Variants in FAM83A observed in about 807,000 individuals in gnomAD.
FAM83A encodes scaffolding CK1 anchoring protein A, also known as protein FAM83A.
FAM83A carries 21 observed loss-of-function variants against 24.4 expected under a neutral mutation model. The observed-to-expected ratio is 0.86, with a 90% confidence interval of 0.61 to 1.24. The LOEUF (loss-of-function observed/expected upper bound fraction) is 1.24. Ranked by LOEUF, FAM83A falls within the 50% of genes most tolerant of loss-of-function variation. The pLI is 0.00. For synonymous variants in FAM83A, 270 were observed against 252.4 expected (o/e 1.07, Z -0.66); for missense variants, 617 against 579.8 (o/e 1.06, Z -0.66).
exon 4 of FAM83A, chr8:123,207,358 C>A (rs1298956026): frequency 6.2e-7 from 1 of 1,611,414 alleles, no homozygotes. Context: ...GCAGTGGCTC[C>A]GCCAGTGACC....
chr8:123,196,978 C>T (rs1180212375), intron 3 of FAM83A, among the ~76,000 whole-genome samples: 1 of 152,208 alleles, frequency 6.6e-6, no homozygotes. Flanking sequence ...CATCCCTAAA[C>T]TTTGGGGCTG....
intron 3 of FAM83A, among the ~76,000 whole-genome samples, chr8:123,206,895 C>T (rs935015821): frequency 1.3e-5 from 2 of 151,978 alleles, no homozygotes; most frequent in Non-Finnish European, 2.9e-5. Flanking sequence ...CCTGGGCCGG[C>T]GAAGCCTCCT....
intron 3 of FAM83A, among the ~76,000 whole-genome samples, chr8:123,206,655 G>A (rs1824560061): frequency 6.6e-6 from 1 of 152,158 alleles, no homozygotes; most frequent in African/African-American, 2.4e-5. Context: ...GGAGCCTTGA[G>A]ACCAGGGATT....
At chr8:123,201,704 G>A (rs1824363386) in intron 3 of FAM83A, 1 of 152,182 alleles carries the variant, frequency 6.6e-6, no homozygotes. Context: ...CCAAACTGAA[G>A]AGCCCTGCTT....
In FAM83A at chr8:123,209,262, G is replaced by A; in HGVS notation, c.*1574G>A. ...TTCCTCCTGGTGGCCTCTGACCCCT[G>A]ACGGCCTGTGGCATCCTCCCTAGTC... On this transcript the variant is annotated 3_prime_UTR_variant, in exon 4 of 4. Coordinates refer to ENST00000690554, the Ensembl canonical transcript of FAM83A. This position sits in a 1 kb window ranked among gnomAD's most constrained non-coding sequence, Gnocchi z 4.7. 2 of 1,284,104 alleles carry A rather than the reference G, an allele frequency of 1.6e-6. No individual in the cohort carries two copies. The highest frequency in any genetic ancestry group is 2.0e-6 in the Non-Finnish European group (2 of 1,023,016). The allele number at this position is 1,284,104 out of a possible 1,614,324, so 79.5% of individuals were successfully genotyped here. A position where few individuals can be genotyped will look rare whatever the true frequency, so the allele number is the denominator to read the frequency against.
At position 123,182,995 on chromosome 8, in the gene FAM83A, T is replaced by G. The variant is rs757399302; in HGVS notation, c.139T>G (p.Ser47Ala). The G allele has an allele frequency of 6.2e-6, 10 of 1,612,188 alleles. No individual in the cohort carries two copies. In the East Asian group the frequency reaches 2.2e-4, roughly 36 times the overall value. ...CACGGACGCCCTCTTGGATGGGGGT[T>G]CTGAAGCCTACTGGCGGGTGCTCAG... Residue 47 changes from serine (S) to alanine (A), a missense_variant, in exon 1 of 4, where the codon TCT (serine) becomes GCT (alanine). Ser to Ala is a moderately conservative substitution (Grantham distance 99). Transcript: ENST00000690554.
intron 3 of FAM83A, among the ~76,000 whole-genome samples, chr8:123,204,709 C>T (rs557724043): frequency 1.3e-5 from 2 of 151,784 alleles, no homozygotes; most frequent in African/African-American, 2.4e-5. Flanking sequence ...TGCAGTGAGC[C>T]GAGATCGCGC....
exon 4 of FAM83A, chr8:123,207,695 C>T: frequency 6.8e-7 from 1 of 1,474,012 alleles, no homozygotes; most frequent in Non-Finnish European, 9.0e-7. Context: ...CTGAAGGTCC[C>T]ATCCCCTGCT....
At chr8:123,184,119 C>T (rs1049571834) in intron 1 of FAM83A, among the ~76,000 whole-genome samples, 1 of 152,190 alleles carries the variant, frequency 6.6e-6, no homozygotes, top group Non-Finnish European at 1.5e-5. Context: ...CTGCTCCATA[C>T]CAAGTGCCCT....
chr8:123,197,792 A>C (rs1563786190), intron 3 of FAM83A, among the ~76,000 whole-genome samples: 1 of 152,204 alleles, frequency 6.6e-6, no homozygotes, highest in Non-Finnish European at 1.5e-5. Context: ...GAACAGGTGC[A>C]GCTGAGCTGT....
chr8:123,180,902 A>C (rs1334355851), upstream of FAM83A, among the ~76,000 whole-genome samples: 3 of 150,356 alleles, frequency 2.0e-5, no homozygotes, highest in African/African-American at 7.5e-5. Context: ...CCAAAAAAAA[A>C]AAGAGAAAGA....
chr8:123,207,384 C>A (rs767973353), exon 4 of FAM83A: 64 of 1,611,426 alleles, frequency 4.0e-5, no homozygotes, highest in Non-Finnish European at 6.8e-6. Context: ...TCCTCCAACC[C>A]CTTCAGCGGC....
At chr8:123,185,100 A>AG (rs1229852601) in intron 1 of FAM83A, among the ~76,000 whole-genome samples, 2 of 152,176 alleles carry the variant, frequency 1.3e-5, no homozygotes, top group Non-Finnish European at 2.9e-5. Flanking sequence ...TTTCTGTGGC[A>AG]GGGCGGCATT....
At chr8:123,197,019 G>T (rs1358972765) in intron 3 of FAM83A, among the ~76,000 whole-genome samples, 1 of 152,104 alleles carries the variant, frequency 6.6e-6, no homozygotes, top group African/African-American at 2.4e-5. Flanking sequence ...CATCACCCCT[G>T]GTCCAACCAT....
rs1824658821 is a variant in FAM83A, at chr8:123,209,318, T to A, written c.*1630T>A. The A allele has an allele frequency of 7.1e-7, 1 of 1,408,898 alleles. No homozygotes were observed. The highest frequency in any genetic ancestry group is 1.5e-5 in the African/African-American group (1 of 68,824). 87.3% of individuals were successfully genotyped at this position (1,408,898 alleles called of 1,614,324 possible). ...TGCCCATCCATCCCTCTGTTCCAAT[T>A]CTCCACTGCTCCCAGCATGATCTGG... On this transcript the variant is annotated 3_prime_UTR_variant, in exon 4 of 4. Coordinates refer to ENST00000690554, the Ensembl canonical transcript of FAM83A. The surrounding 1 kb of genome is among the most constrained non-coding windows in gnomAD (Gnocchi z 4.7).
intron 3 of FAM83A, chr8:123,202,717 G>A (rs1193183978): frequency 6.6e-6 from 1 of 152,588 alleles, no homozygotes; most frequent in East Asian, 1.9e-4. Context: ...CATTAGCGGG[G>A]TGTGAAATCA....
chr8:123,199,510 A>G (rs1203291426), intron 3 of FAM83A, among the ~76,000 whole-genome samples: 1 of 152,116 alleles, frequency 6.6e-6, no homozygotes, highest in African/African-American at 2.4e-5. Flanking sequence ...CAAGGTGGGC[A>G]GATCACCTGA....
exon 4 of FAM83A, chr8:123,207,277 C>T (rs746201861): frequency 6.2e-7 from 1 of 1,612,846 alleles, no homozygotes; most frequent in Non-Finnish European, 8.5e-7. Flanking sequence ...CTGTGATGGG[C>T]CTGAAGTCCC....
At chr8:123,182,640 T>C, upstream of FAM83A, 1 of 780,710 alleles carries the variant, frequency 1.3e-6, no homozygotes, top group Non-Finnish European at 2.2e-6. Flanking sequence ...CCCTGAGAGA[T>C]AAGCCAATCC....
Sources: allele counts gnomAD v4.1 joint callset (sites outside exome capture counted in the v4.1 genomes callset), GRCh38; gene constraint gnomAD v4.1.1; non-coding constraint Gnocchi (gnomAD v3.1); transcripts MANE v1.5; gene names NCBI Gene and HGNC (gene_info 2026-07-23, HGNC 2026-07-21).